WDR70: variants seen among roughly 807,000 people sequenced by gnomAD.
WDR70 encodes the protein WD repeat domain 70, also known as WD repeat-containing protein 70.
Under a neutral mutation model 88.6 loss-of-function variants are expected in WDR70, and 53 were observed. That is an observed-to-expected ratio of 0.60 (90% CI 0.48 to 0.75). WDR70 has a LOEUF of 0.75. Among genes scored for constraint, WDR70 ranks in the 30% least tolerant of loss-of-function variants. The pLI is 0.00. For missense variants in WDR70, 610 were observed against 823.2 expected (o/e 0.74, Z 3.17); for synonymous variants, 280 against 270.0 (o/e 1.04, Z -0.36).
chr5:37,608,936 G>A (rs929777196), intron 10 of WDR70, among the ~76,000 whole-genome samples: 3 of 152,176 alleles, frequency 2.0e-5, no homozygotes, highest in African/African-American at 7.2e-5. Flanking sequence ...ACTCCCTGCT[G>A]TATTCCCAGA....
intron 8 of WDR70, among the ~76,000 whole-genome samples, chr5:37,494,469 G>A (rs1483612307): frequency 2.6e-5 from 4 of 152,150 alleles, no homozygotes; most frequent in Admixed American, 2.0e-4. Context: ...GGGAGAACGG[G>A]GGAGGTTATT....
At chr5:37,440,267 G>A (rs912519682) in intron 6 of WDR70, among the ~76,000 whole-genome samples, 1 of 152,152 alleles carries the variant, frequency 6.6e-6, no homozygotes, top group African/African-American at 2.4e-5. Context: ...CTTTTTGAAA[G>A]GAGGAGAGGG....
chr5:37,658,122 G>A (rs1745607160), intron 10 of WDR70, among the ~76,000 whole-genome samples: 1 of 151,656 alleles, frequency 6.6e-6, no homozygotes, highest in Admixed American at 6.6e-5. Context: ...AAGTGGAAGT[G>A]GATCACTATA....
chr5:37,578,510 T>A lies in WDR70; in HGVS notation c.918-26554T>A, dbSNP rs141574150. 5.6e-4 allele frequency among the ~76,000 whole-genome samples: 85 copies of A among 152,324 alleles called. 1 individual carries two copies. The highest frequency in any genetic ancestry group is 2.0e-3 in the African/African-American group (83 of 41,588). Reference sequence around the variant, plus strand: ...GGAATTGCTCCCTATTTATGAAATTTTAATAACACACTTCACTGATTTCTT... The same window carrying A: ...GGAATTGCTCCCTATTTATGAAATTATAATAACACACTTCACTGATTTCTT... On this transcript the variant is annotated intron_variant, in intron 9 of 17. Transcript: ENST00000265107.
At chr5:37,677,814 C>G (rs1190280208) in intron 10 of WDR70, among the ~76,000 whole-genome samples, 2 of 152,092 alleles carry the variant, frequency 1.3e-5, no homozygotes, top group Admixed American at 6.6e-5. Context: ...CTCGATCTGT[C>G]TAATGTTGAC....
At chr5:37,483,298 A>G (rs4869512) in intron 8 of WDR70, among the ~76,000 whole-genome samples, 62,669 of 150,890 alleles carry the variant, frequency 0.42, 15,111 homozygotes, top group Non-Finnish European at 0.54. Context: ...GGGAGTGGTG[A>G]TGACTCTTAA....
chr5:37,511,439 T>C (rs1271985880), intron 8 of WDR70, among the ~76,000 whole-genome samples: 3 of 152,094 alleles, frequency 2.0e-5, no homozygotes, highest in Non-Finnish European at 4.4e-5. Context: ...TGTAGTACTT[T>C]CTTTTTTTTT....
intron 11 of WDR70, among the ~76,000 whole-genome samples, chr5:37,700,781 A>G (rs1747137300): frequency 6.6e-6 from 1 of 152,240 alleles, no homozygotes; most frequent in South Asian, 2.1e-4. Flanking sequence ...TGCTACATCT[A>G]TCTGGAAAGT....
intron 9 of WDR70, among the ~76,000 whole-genome samples, chr5:37,545,454 TTAAC>T (rs2112337241): frequency 6.6e-6 from 1 of 152,292 alleles, no homozygotes; most frequent in African/African-American, 2.4e-5. Context: ...AAGTTATTCT[TTAAC>T]ATAATCTCAT....
At chr5:37,726,821 A>G (rs10051811) in intron 16 of WDR70, 62 bp from the exon 17 acceptor site, 3 of 1,486,828 alleles carry the variant, frequency 2.0e-6, no homozygotes, top group African/African-American at 2.8e-5. Flanking sequence ...GTGTACACAG[A>G]TATACCTATG....
chr5:37,423,838 A>G (rs908769680), intron 5 of WDR70, among the ~76,000 whole-genome samples: 90 of 145,486 alleles, frequency 6.2e-4, no homozygotes, highest in African/African-American at 2.2e-3. Flanking sequence ...CTGGGATTAC[A>G]GGTGTGAACC....
chr5:37,559,856 A>C (rs1742447804), intron 9 of WDR70, among the ~76,000 whole-genome samples: 1 of 152,108 alleles, frequency 6.6e-6, no homozygotes, highest in African/African-American at 2.4e-5. Context: ...AAAAAAAAAA[A>C]AAAACTTTTT....
intron 8 of WDR70, among the ~76,000 whole-genome samples, chr5:37,494,984 C>T (rs1740172168): frequency 6.6e-6 from 1 of 152,208 alleles, no homozygotes; most frequent in Admixed American, 6.5e-5. Context: ...TAGACACATC[C>T]ATTAATTTAC....
At chr5:37,708,809 T>C (rs1419848741) in intron 13 of WDR70, among the ~76,000 whole-genome samples, 1 of 152,216 alleles carries the variant, frequency 6.6e-6, no homozygotes, top group Non-Finnish European at 1.5e-5. Context: ...GAATGTATCT[T>C]TGTTCTTACA....
chr5:37,562,665 C>T (rs1478161976), intron 9 of WDR70, among the ~76,000 whole-genome samples: 1 of 152,058 alleles, frequency 6.6e-6, no homozygotes, highest in Non-Finnish European at 1.5e-5. Flanking sequence ...GAGCATGCTG[C>T]CTTCAAGCAT....
chr5:37,630,030 C>A (rs1389275997), intron 10 of WDR70, among the ~76,000 whole-genome samples: 3 of 152,120 alleles, frequency 2.0e-5, no homozygotes, highest in Non-Finnish European at 4.4e-5. Flanking sequence ...ATTTCTTCAA[C>A]CGTAATCCAT....
At chr5:37,580,693 G>A (rs1250810423) in intron 9 of WDR70, among the ~76,000 whole-genome samples, 3 of 152,114 alleles carry the variant, frequency 2.0e-5, no homozygotes, top group African/African-American at 7.2e-5. Context: ...CTGGTCTAGG[G>A]CAGATCTTAT....
At chr5:37,586,556 C>T (rs1439941814) in intron 9 of WDR70, among the ~76,000 whole-genome samples, 2 of 152,142 alleles carry the variant, frequency 1.3e-5, no homozygotes, top group African/African-American at 2.4e-5. Context: ...CTCTCCCTCC[C>T]CTAGCCCCCC....
chr5:37,589,430 G>A (rs2112443254), intron 9 of WDR70, among the ~76,000 whole-genome samples: 1 of 152,158 alleles, frequency 6.6e-6, no homozygotes, highest in Middle Eastern at 3.4e-3. Context: ...TCTGGTACAG[G>A]ATTTTAATTT....
Sources: allele counts gnomAD v4.1 joint callset (sites outside exome capture counted in the v4.1 genomes callset), GRCh38; gene constraint gnomAD v4.1.1; transcripts MANE v1.5; gene names NCBI Gene and HGNC (gene_info 2026-07-23, HGNC 2026-07-21).